Variants in MEGF11 observed in about 807,000 individuals in gnomAD.
MEGF11 encodes multiple EGF like domains 11.
A neutral mutation model predicts 146.6 loss-of-function variants in MEGF11; 126 were observed. The ratio of observed to expected loss-of-function variants is 0.86; its 90% CI spans 0.74 to 1.00. The LOEUF (loss-of-function observed/expected upper bound fraction) is 1.00, where lower values mean the gene tolerates loss of function less well. Among genes scored for constraint, MEGF11 ranks in the 50% least tolerant of loss-of-function variants. MEGF11 has a pLI of 0.00. For synonymous variants in MEGF11, 532 were observed against 583.4 expected (o/e 0.91, Z 1.27); for missense variants, 1,509 against 1,521.2 (o/e 0.99, Z 0.13).
chr15:66,234,605 C>A (rs2092049408), intron 1 of MEGF11, among the ~76,000 whole-genome samples: 1 of 152,202 alleles, frequency 6.6e-6, no homozygotes, highest in Non-Finnish European at 1.5e-5. Context: ...CACCACCCAA[C>A]CCTGAATATG....
chr15:66,102,634 T>A (rs1370432692), intron 4 of MEGF11, among the ~76,000 whole-genome samples: 1 of 152,008 alleles, frequency 6.6e-6, no homozygotes, highest in Non-Finnish European at 1.5e-5. Flanking sequence ...CTTTCTCATA[T>A]CAGATCCCAA....
chr15:66,170,991 C>T (rs1198019663), intron 1 of MEGF11, among the ~76,000 whole-genome samples: 1 of 152,218 alleles, frequency 6.6e-6, no homozygotes, highest in East Asian at 1.9e-4. Flanking sequence ...GCCATGTCCT[C>T]GCTCAGCTCC....
At chr15:66,226,075 A>G (rs1231619384) in intron 1 of MEGF11, among the ~76,000 whole-genome samples, 2 of 152,234 alleles carry the variant, frequency 1.3e-5, no homozygotes, top group Non-Finnish European at 2.9e-5. Flanking sequence ...AATTCTGAGT[A>G]GTGTGATGAA....
intron 5 of MEGF11, among the ~76,000 whole-genome samples, chr15:66,057,514 T>C (rs957294370): frequency 1.3e-5 from 2 of 152,126 alleles, no homozygotes; most frequent in African/African-American, 2.4e-5. Flanking sequence ...AGTTAAATAT[T>C]GTTGATATCA....
intron 5 of MEGF11, among the ~76,000 whole-genome samples, chr15:66,049,782 A>T (rs1309489516): frequency 2.0e-5 from 3 of 152,234 alleles, no homozygotes; most frequent in Admixed American, 6.5e-5. Flanking sequence ...GGATCTAAGC[A>T]GGTAAAAGGG....
intron 1 of MEGF11, among the ~76,000 whole-genome samples, chr15:66,134,363 C>T (rs969904595): frequency 6.6e-6 from 1 of 152,108 alleles, no homozygotes; most frequent in African/African-American, 2.4e-5. Context: ...TGTTCTTAGG[C>T]CATTCCATTT....
Position 65,913,933 on chromosome 15 carries a change from G to C in MEGF11, c.2514C>G (p.Ile838Met). 1 of 1,614,004 alleles carries C rather than the reference G, an allele frequency of 6.2e-7. No homozygotes were observed. The highest frequency in any genetic ancestry group is 8.5e-7 in the Non-Finnish European group (1 of 1,179,892). ...MMEELNPYTK[I>M]SPALGAERHS... ...GCCGCTCTGCACCCAGTGCTGGGCT[G>C]ATCTTGGTGTAGGGATTCAGCTCCT... is the stretch of plus-strand genomic sequence containing the variant. The change falls in exon 20 of 26, where the codon ATC (isoleucine) becomes ATG (methionine). Residue 838 changes from isoleucine to methionine, a missense_variant. By Grantham distance (10) the Ile-to-Met change is conservative (BLOSUM62 1). Coordinates refer to ENST00000395614, the MANE Select transcript of MEGF11 (RefSeq NM_001385028.1).
At chr15:66,088,114 A>T (rs112198715) in intron 5 of MEGF11, among the ~76,000 whole-genome samples, 2 of 152,236 alleles carry the variant, frequency 1.3e-5, no homozygotes, top group African/African-American at 4.8e-5. Flanking sequence ...CAACCCTTCC[A>T]GTTTAAATCA....
chr15:65,916,204 T>C lies in MEGF11; in HGVS notation c.2288A>G (p.His763Arg). The C allele has an allele frequency of 6.3e-7, 1 of 1,576,590 alleles. No homozygotes were observed. Among genetic ancestry groups the C allele is most frequent in the South Asian group, 1.2e-5 (1 of 85,658 alleles). Residue 763 changes from histidine to arginine, a missense_variant, in exon 18 of 26, where the codon CAC becomes CGC. Transcript: ENST00000395614. Reference sequence around the variant, plus strand: ...GCGGCAGGTGCACTTGCCACTGATGTGGTCACAGCTGGCGCCATTCTGACA... The same window carrying C: ...GCGGCAGGTGCACTTGCCACTGATGCGGTCACAGCTGGCGCCATTCTGACA... ...CQCQNGASCD[H>R]ISGKCTCRTG...
intron 7 of MEGF11, among the ~76,000 whole-genome samples, chr15:65,976,448 G>A (rs563958104): frequency 3.3e-5 from 5 of 152,278 alleles, no homozygotes; most frequent in African/African-American, 1.2e-4. Flanking sequence ...ATATGGGGGG[G>A]CTCTCATCCA....
At chr15:66,174,582 G>T (rs2090344542) in intron 1 of MEGF11, among the ~76,000 whole-genome samples, 1 of 151,824 alleles carries the variant, frequency 6.6e-6, no homozygotes, top group East Asian at 1.9e-4. Flanking sequence ...GGGAGAAGGA[G>T]AAGCAGTGGC....
chr15:66,061,486 G>C (rs554610174), intron 5 of MEGF11, among the ~76,000 whole-genome samples: 21 of 152,310 alleles, frequency 1.4e-4, no homozygotes, highest in Non-Finnish European at 2.6e-4. Context: ...GAGGAGGCAA[G>C]AGGAGGCCCC....
intron 1 of MEGF11, among the ~76,000 whole-genome samples, chr15:66,253,338 G>A (rs890890762): frequency 6.6e-6 from 1 of 152,204 alleles, no homozygotes; most frequent in Non-Finnish European, 1.5e-5. Context: ...GCGGCCGGAG[G>A]GCTGCGGCTG....
chr15:66,016,103 C>T (rs1305927108), intron 5 of MEGF11, among the ~76,000 whole-genome samples: 1 of 151,920 alleles, frequency 6.6e-6, no homozygotes, highest in African/African-American at 2.4e-5. Flanking sequence ...ATTATCTTTT[C>T]CTTCTATTTA....
chr15:66,223,329 G>T (rs1041338718), intron 1 of MEGF11, among the ~76,000 whole-genome samples: 8 of 152,128 alleles, frequency 5.3e-5, no homozygotes, highest in Admixed American at 5.2e-4. Flanking sequence ...CTTGCCAGGG[G>T]CTGGGGGAGG....
chr15:65,973,542 C>A (rs1035383166), intron 7 of MEGF11, among the ~76,000 whole-genome samples: 14 of 152,170 alleles, frequency 9.2e-5, no homozygotes, highest in Non-Finnish European at 1.0e-4. Context: ...ATCACTTGAG[C>A]CCAGGAGTTC....
At chr15:66,038,652 A>G (rs189401856) in intron 5 of MEGF11, among the ~76,000 whole-genome samples, 2 of 152,304 alleles carry the variant, frequency 1.3e-5, no homozygotes, top group African/African-American at 2.4e-5. Context: ...CTAAGTCCCC[A>G]TTGCTTCAGT....
At chr15:65,961,413 C>T (rs1039847806) in intron 9 of MEGF11, among the ~76,000 whole-genome samples, 2 of 152,224 alleles carry the variant, frequency 1.3e-5, no homozygotes, top group African/African-American at 4.8e-5. Flanking sequence ...TATGAGATTT[C>T]TATCAATGCT....
intron 5 of MEGF11, among the ~76,000 whole-genome samples, chr15:66,003,384 A>G (rs1222156566): frequency 6.6e-6 from 1 of 152,100 alleles, no homozygotes; most frequent in Non-Finnish European, 1.5e-5. Context: ...CCAGTGAGTT[A>G]TGGAGGTTTT....
Sources: allele counts gnomAD v4.1 joint callset (sites outside exome capture counted in the v4.1 genomes callset), GRCh38; gene constraint gnomAD v4.1.1; transcripts MANE v1.5; gene names NCBI Gene and HGNC (gene_info 2026-07-23, HGNC 2026-07-21).